TENM2: variants seen among roughly 807,000 people sequenced by gnomAD.
TENM2 encodes teneurin-2.
TENM2 carries 52 observed loss-of-function variants against 245.2 expected under a neutral mutation model. That is an observed-to-expected ratio of 0.21 (90% CI 0.17 to 0.27). The LOEUF (loss-of-function observed/expected upper bound fraction) is 0.27, where lower values mean the gene tolerates loss of function less well. Ranked by LOEUF, TENM2 falls within the 10% of genes least tolerant of loss-of-function variation. The pLI is 1.00. For synonymous variants in TENM2, 1,363 were observed against 1,438.9 expected (o/e 0.95, Z 1.19); for missense variants, 3,046 against 3,666.8 (o/e 0.83, Z 4.37).
chr5:167,079,551 G>A, the TENM2 span, among the ~76,000 whole-genome samples: 2 of 150,958 alleles, frequency 1.3e-5, no homozygotes, highest in African/African-American at 4.9e-5. Context: ...GACCTCAGGC[G>A]ATCCACCCAC....
intron 2 of TENM2, among the ~76,000 whole-genome samples, chr5:167,383,635 A>G (rs1272381184): frequency 6.7e-6 from 1 of 149,232 alleles, no homozygotes. Context: ...CCATGAGCTA[A>G]TTTTTTTATT....
chr5:167,778,813 A>ATG (rs146309890), intron 2 of TENM2, among the ~76,000 whole-genome samples: 4 of 151,614 alleles, frequency 2.6e-5, no homozygotes, highest in Non-Finnish European at 5.9e-5. Flanking sequence ...TTTGAAAGTC[A>ATG]TGTGTGTGTG....
chr5:167,545,019 A>T (rs1453389417), intron 2 of TENM2, among the ~76,000 whole-genome samples: 1 of 152,142 alleles, frequency 6.6e-6, no homozygotes, highest in Non-Finnish European at 1.5e-5. Context: ...ACCCTTTTCA[A>T]GTCATTGAAA....
At chr5:167,621,738 T>A (rs958406745) in intron 2 of TENM2, among the ~76,000 whole-genome samples, 1 of 152,170 alleles carries the variant, frequency 6.6e-6, no homozygotes, top group Non-Finnish European at 1.5e-5. Context: ...GTATATTGGA[T>A]AAACTGAGCT....
At chr5:167,715,423 A>G (rs549720934) in intron 2 of TENM2, among the ~76,000 whole-genome samples, 1 of 152,006 alleles carries the variant, frequency 6.6e-6, no homozygotes. Context: ...TGAAGGGGCT[A>G]TAGAGGCCAT....
At chr5:167,131,775 G>A in the TENM2 span, among the ~76,000 whole-genome samples, 1 of 152,076 alleles carries the variant, frequency 6.6e-6, no homozygotes, top group Non-Finnish European at 1.5e-5. Flanking sequence ...TTAGGAGGAG[G>A]AAGTATTAAA....
chr5:167,439,478 C>T (rs1448454814), intron 2 of TENM2, among the ~76,000 whole-genome samples: 2 of 152,148 alleles, frequency 1.3e-5, no homozygotes, highest in East Asian at 3.9e-4. Flanking sequence ...AGGCTAGTGT[C>T]TTCCTCTGAC....
the TENM2 span, among the ~76,000 whole-genome samples, chr5:167,070,284 ATT>A: frequency 8.1e-5 from 8 of 99,330 alleles, no homozygotes; most frequent in Admixed American, 1.0e-4. Context: ...CGCCCGGCTA[ATT>A]TTTTTTTTTT....
intron 2 of TENM2, among the ~76,000 whole-genome samples, chr5:167,695,727 A>T (rs1183646858): frequency 1.6e-4 from 23 of 140,072 alleles, no homozygotes; most frequent in East Asian, 1.5e-3. Context: ...ATGGTGATTT[A>T]AAAAAAAAAA....
At chr5:168,208,403 G>T (rs1762534887) in intron 19 of TENM2, among the ~76,000 whole-genome samples, 1 of 152,212 alleles carries the variant, frequency 6.6e-6, no homozygotes, top group African/African-American at 2.4e-5. Context: ...AATCATTAGA[G>T]GAGACCTTCA....
intron 2 of TENM2, among the ~76,000 whole-genome samples, chr5:167,801,073 A>G (rs73803207): frequency 0.074 from 9,857 of 132,610 alleles, 479 homozygotes; most frequent in Middle Eastern, 0.13. Flanking sequence ...CTTTTTCCCT[A>G]TACTTTGAAT....
intron 2 of TENM2, among the ~76,000 whole-genome samples, chr5:167,459,927 CACACACACGCACACACACACACA>C (rs1766185820): frequency 1.3e-5 from 2 of 151,482 alleles, no homozygotes; most frequent in Admixed American, 6.6e-5. Flanking sequence ...CACACACACA[CACACACACGCACACACACACACA>C]ACACACACTC....
intron 13 of TENM2, among the ~76,000 whole-genome samples, chr5:168,172,048 G>A (rs1162468457): frequency 6.6e-6 from 1 of 152,160 alleles, no homozygotes; most frequent in East Asian, 1.9e-4. Context: ...TTCCCTACCG[G>A]GGCAACTCGC....
At chr5:167,872,222 G>A (rs1583241977) in intron 2 of TENM2, among the ~76,000 whole-genome samples, 1 of 151,002 alleles carries the variant, frequency 6.6e-6, no homozygotes, top group Non-Finnish European at 1.5e-5. Flanking sequence ...GCAGTGAGCC[G>A]AGATCATGCC....
At chr5:167,118,430 G>C in the TENM2 span, among the ~76,000 whole-genome samples, 1 of 152,138 alleles carries the variant, frequency 6.6e-6, no homozygotes, top group Non-Finnish European at 1.5e-5. Flanking sequence ...CTCTAAAGTG[G>C]CAGAGAACAG....
At chr5:167,049,327 T>C in the TENM2 span, among the ~76,000 whole-genome samples, 1 of 152,214 alleles carries the variant, frequency 6.6e-6, no homozygotes. Flanking sequence ...ATTTCAGTTA[T>C]TTGTGGAGCA....
At chr5:167,261,781 C>A in the TENM2 span, among the ~76,000 whole-genome samples, 3 of 152,190 alleles carry the variant, frequency 2.0e-5, no homozygotes, top group Non-Finnish European at 4.4e-5. Context: ...ATAGTCTGTG[C>A]TGAATATATC....
In TENM2 at chr5:168,057,290, CT is replaced by C. The variant is rs368948681; in HGVS notation, c.1310-4769del. On this transcript the variant is annotated intron_variant, in intron 6 of 28. Coordinates refer to ENST00000518659, the Ensembl canonical transcript of TENM2. ...ACTCCTCCTCCCTCCTGCTGACCCC[CT>C]ACCCCTGTCGCCTCGCCCAACACAC... is the stretch of plus-strand genomic sequence containing the variant. Among the ~76,000 whole-genome samples, 1,209 of 150,056 alleles carry C rather than the reference CT, an allele frequency of 8.1e-3. 5 individuals are homozygous for C. Among genetic ancestry groups the C allele is most frequent in the South Asian group, 0.013 (60 of 4,712 alleles).
chr5:167,390,593 A>G lies in TENM2; in HGVS notation c.502+15120A>G, dbSNP rs143342620. On this transcript the variant is annotated intron_variant, in intron 2 of 28. Coordinates refer to ENST00000518659, the Ensembl canonical transcript of TENM2. ...GATAAATATCTCAGTACATAAGAAAAGACTCTGAAAATAAGCATGTGGAAG... is the reference window on the plus strand; with the variant it reads ...GATAAATATCTCAGTACATAAGAAAGGACTCTGAAAATAAGCATGTGGAAG... Among the ~76,000 whole-genome samples the G allele has an allele frequency of 1.1e-4, 16 of 152,322 alleles. No homozygotes were observed. The East Asian group carries it at 2.5e-3, about 24-fold the overall frequency.
Sources: allele counts gnomAD v4.1 joint callset (sites outside exome capture counted in the v4.1 genomes callset), GRCh38; gene constraint gnomAD v4.1.1; transcripts MANE v1.5; gene names NCBI Gene and HGNC (gene_info 2026-07-23, HGNC 2026-07-21).